The following SEMA6B variants were observed in gnomAD, a reference collection of about 807,000 sequenced individuals.
SEMA6B encodes the protein semaphorin 6B, also known as semaphorin-6B.
Under a neutral mutation model 78.6 loss-of-function variants are expected in SEMA6B, and 47 were observed. The observed-to-expected ratio is 0.60, with a 90% CI of 0.47 to 0.76. The LOEUF (loss-of-function observed/expected upper bound fraction) is 0.76. Ranked by LOEUF, SEMA6B falls within the 30% of genes least tolerant of loss-of-function variation. The pLI is 0.00. For synonymous variants in SEMA6B, 632 were observed against 592.2 expected, an observed-to-expected ratio of 1.07 and a Z score of -0.98; for missense variants, 1,213 against 1,269.9, an observed-to-expected ratio of 0.96 and a Z score of 0.68.
chr19:4,558,273 C>G lies in SEMA6B; in HGVS notation c.121+64G>C, dbSNP rs1977526315. ...GAGTCCCCCAGTGGGGGCAGCAGAC[C>G]CAACTGGGAACCCAGATACTCCCAC... is the stretch of plus-strand genomic sequence containing the variant. On this transcript the variant is annotated intron_variant, in intron 2 of 16. Transcript: ENST00000586582. The surrounding 1 kb of genome is among the most constrained non-coding windows in gnomAD (Gnocchi z 5.1). 1 of 1,306,580 alleles carries G rather than the reference C, an allele frequency of 7.7e-7. No homozygotes were observed. Among genetic ancestry groups the G allele is most frequent in the African/African-American group, 1.5e-5 (1 of 65,882 alleles). The allele number at this position is 1,306,580 out of a possible 1,614,324, so 80.9% of individuals were successfully genotyped here. A position where few individuals can be genotyped will look rare whatever the true frequency, so the allele number is the denominator to read the frequency against.
At position 4,557,288 on chromosome 19, in the gene SEMA6B, C is replaced by T. The variant is rs186305522; in HGVS notation, c.246-65G>A. The T allele has an allele frequency of 7.4e-6, 9 of 1,212,440 alleles. No individual in the cohort carries two copies. The Admixed American group carries it at 1.3e-4, about 18-fold the overall frequency. 75.1% of individuals were successfully genotyped at this position (1,212,440 alleles called of 1,614,324 possible). A position where few individuals can be genotyped will look rare whatever the true frequency, so the allele number is the denominator to read the frequency against. Reference sequence around the variant, plus strand: ...CCACCCTCTCCCGTTCCATCCTTCCCACTGCCAATGTGGTGTGCACACGGG... The same window carrying T: ...CCACCCTCTCCCGTTCCATCCTTCCTACTGCCAATGTGGTGTGCACACGGG... On this transcript the variant is annotated intron_variant, in intron 3 of 16. Coordinates refer to ENST00000586582, the MANE Select transcript of SEMA6B (RefSeq NM_032108.4).
Position 4,550,149 on chromosome 19 carries a change from C to A in SEMA6B, c.1245G>T (p.Ala415=), listed in dbSNP as rs144907430. 2.5e-6 allele frequency: 4 copies of A among 1,613,808 alleles called. No homozygotes were observed. The highest frequency in any genetic ancestry group is 3.4e-6 in the Non-Finnish European group (4 of 1,180,000). Residue 415 remains alanine (A), a synonymous_variant, in exon 12 of 17, where the codon GCG becomes GCT. Transcript: ENST00000586582. This position sits in a 1 kb window ranked among gnomAD's most constrained non-coding sequence, Gnocchi z 6.6. ...MDEAVPSLGH[A]PWILRTLMRH... ...TCATCAGGGTCCGCAGGATCCAGGGCGCATGGCCCAGCGAGGGCACCGCCT... is the reference window on the plus strand; with the variant it reads ...TCATCAGGGTCCGCAGGATCCAGGGAGCATGGCCCAGCGAGGGCACCGCCT...
rs1291781901 is a variant in SEMA6B at position 4,558,103 on chromosome 19, C to T, written c.168G>A (p.Leu56=). The change falls in exon 3 of 17, where the codon CTG becomes CTA. Residue 56 remains leucine (L), a synonymous_variant. Coordinates refer to ENST00000586582, the MANE Select transcript of SEMA6B (RefSeq NM_032108.4). The surrounding 1 kb of genome is among the most constrained non-coding windows in gnomAD (Gnocchi z 5.1). ...PVFVGSGPGR[L]TPAEGADDLN... ...GGTCGTCAGCACCTTCTGCGGGGGTCAGGCGTCCGGGCCCGCTGCCCACAA... is the reference window on the plus strand; with the variant it reads ...GGTCGTCAGCACCTTCTGCGGGGGTTAGGCGTCCGGGCCCGCTGCCCACAA... The T allele has an allele frequency of 1.3e-6, 2 of 1,536,716 alleles. No homozygotes were observed. The highest frequency in any genetic ancestry group is 1.7e-4 in the Middle Eastern group (1 of 5,794).
intron 10 of SEMA6B, among the ~76,000 whole-genome samples, chr19:4,551,699 C>G (rs542037500): frequency 1.3e-5 from 2 of 151,748 alleles, no homozygotes; most frequent in African/African-American, 4.8e-5. Context: ...TGTGGTGGCG[C>G]ACGCCTGTAA....
In SEMA6B at chr19:4,558,012, G is replaced by C. The variant is rs369451263; in HGVS notation, c.245+14C>G. ...TGCTCGTCACACAGGCCTCCTTGCT[G>C]TCCCCAGCAATACCTGTCCCCAATG... On this transcript the variant is annotated intron_variant, in intron 3 of 16. Transcript: ENST00000586582. This position sits in a 1 kb window ranked among gnomAD's most constrained non-coding sequence, Gnocchi z 5.1. The C allele has an allele frequency of 2.2e-6, 3 of 1,393,098 alleles. No homozygotes were observed. In the African/African-American group the frequency reaches 4.4e-5, roughly 21 times the overall value. The allele number at this position is 1,393,098 out of a possible 1,614,324, so 86.3% of individuals were successfully genotyped here. A position where few individuals can be genotyped will look rare whatever the true frequency, so the allele number is the denominator to read the frequency against.
chr19:4,553,318 GTGGATGGATGGA>G (rs139153802), intron 9 of SEMA6B, among the ~76,000 whole-genome samples: 1 of 150,384 alleles, frequency 6.6e-6, no homozygotes, highest in African/African-American at 2.5e-5. Context: ...GGATAAGTGG[GTGGATGGATGGA>G]TGGATGGATG....
intron 8 of SEMA6B, 103 bp downstream of exon 8, chr19:4,554,873 C>A: frequency 7.4e-7 from 1 of 1,352,282 alleles, no homozygotes; most frequent in South Asian, 1.4e-5. Context: ...GTGGAAATCT[C>A]TCCACCAAGC....
intron 14 of SEMA6B, among the ~76,000 whole-genome samples, 196 bp from the exon 15 acceptor site, chr19:4,546,665 C>T (rs1977177402): frequency 6.6e-6 from 1 of 152,126 alleles, no homozygotes; most frequent in African/African-American, 2.4e-5. Context: ...GCTCTTGTCG[C>T]CCAGGCTGGA....
Position 4,543,988 on chromosome 19 carries a change from C to T in SEMA6B, c.2280G>A (p.Glu760=). The T allele has an allele frequency of 1.7e-6, 2 of 1,205,270 alleles. No homozygotes were observed. Among genetic ancestry groups the T allele is most frequent in the Non-Finnish European group, 1.0e-6 (1 of 971,452 alleles). The allele number at this position is 1,205,270 out of a possible 1,614,324, so 74.7% of individuals were successfully genotyped here. The change falls in exon 17 of 17, where the codon GAG becomes GAA. Residue 760 remains glutamate (E), a synonymous_variant. Coordinates refer to ENST00000586582, the MANE Select transcript of SEMA6B (RefSeq NM_032108.4). ...LLLLAPARAP[E]QPPAPGEPTP... ...TCGGCTCCCCAGGCGCGGGGGGCTG[C>T]TCGGGGGCCCGGGCGGGCGCCAGCA...
intron 3 of SEMA6B, among the ~76,000 whole-genome samples, 181 bp from the exon 4 acceptor site, chr19:4,557,404 C>T (rs1977502828): frequency 6.6e-6 from 1 of 152,182 alleles, no homozygotes; most frequent in Non-Finnish European, 1.5e-5. Context: ...TCATATCCTG[C>T]ACTCCACCTC....
intron 9 of SEMA6B, 82 bp downstream of exon 9, chr19:4,554,306 A>G (rs1977412574): frequency 1.8e-6 from 2 of 1,112,416 alleles, no homozygotes; most frequent in Non-Finnish European, 2.7e-6. Context: ...CACCCCATGC[A>G]GGGATTCATG....
In SEMA6B at chr19:4,552,811, C is replaced by T. The variant is rs1291393984; in HGVS notation, c.772-172G>A. On this transcript the variant is annotated intron_variant, in intron 9 of 16. Transcript: ENST00000586582. The surrounding 1 kb of genome is among the most constrained non-coding windows in gnomAD (Gnocchi z 7.4). ...GGCACCGGCTTCCCTGGCAGAAATT[C>T]CCGGTGGGAATGTCAATGATGATAA... is the stretch of plus-strand genomic sequence containing the variant. Among the ~76,000 whole-genome samples the T allele has an allele frequency of 3.3e-5, 5 of 152,232 alleles. No individual in the cohort carries two copies. The highest frequency in any genetic ancestry group is 7.3e-5 in the Non-Finnish European group (5 of 68,048).
Position 4,543,192 on chromosome 19 carries a change from G to A in SEMA6B, c.*409C>T, listed in dbSNP as rs1599770780. Reference sequence around the variant, plus strand: ...TGGGGAGGGACCTTTCCAGGGGTGGGGGAGGGCTTAGGTCTGCAGCTGTGG... The same window carrying A: ...TGGGGAGGGACCTTTCCAGGGGTGGAGGAGGGCTTAGGTCTGCAGCTGTGG... On this transcript the variant is annotated 3_prime_UTR_variant, in exon 17 of 17. Transcript: ENST00000586582. 3 of 589,440 alleles carry A rather than the reference G, an allele frequency of 5.1e-6. No homozygotes were observed. In the East Asian group the frequency reaches 8.4e-5, roughly 17 times the overall value. The allele number at this position is 589,440 out of a possible 1,614,324, so 36.5% of individuals were successfully genotyped here. A position where few individuals can be genotyped will look rare whatever the true frequency, so the allele number is the denominator to read the frequency against.
At chr19:4,551,982 C>T (rs1297467607) in intron 10 of SEMA6B, among the ~76,000 whole-genome samples, 1 of 152,206 alleles carries the variant, frequency 6.6e-6, no homozygotes, top group African/African-American at 2.4e-5. Flanking sequence ...CCTGATCCAT[C>T]CTACCAGTTC....
Position 4,548,360 on chromosome 19 carries a change from T to A in SEMA6B, c.1357A>T (p.Thr453Ser). 1 of 1,613,404 alleles carries A rather than the reference T, an allele frequency of 6.2e-7. No homozygotes were observed. The highest frequency in any genetic ancestry group is 8.5e-7 in the Non-Finnish European group (1 of 1,179,928). Residue 453 changes from threonine (T) to serine (S), a missense_variant, in exon 13 of 17, where the codon ACG becomes TCG. Physicochemically the swap from Thr to Ser is moderately conservative, Grantham distance 58. Transcript: ENST00000586582. Reference sequence around the variant, plus strand: ...GGCCGGACGAGGAACTTGAGGACCGTCCCCGCCTCAGAACCCAGGAAGACA... The same window carrying A: ...GGCCGGACGAGGAACTTGAGGACCGACCCCGCCTCAGAACCCAGGAAGACA... ...TVVFLGSEAG[T>S]VLKFLVRPNA...
rs756420377 is a variant in SEMA6B, at chr19:4,548,404, G to A, written c.1313C>T (p.Pro438Leu). 1.2e-6 allele frequency: 2 copies of A among 1,613,482 alleles called. No individual in the cohort carries two copies. The highest frequency in any genetic ancestry group is 3.3e-5 in the Admixed American group (2 of 60,024). ...GAAGACAACGGTCTGGTTGCCCCAG[G>A]GGCCGGCTCCCACGTCCACAGCCAC... ...TRVAVDVGAGPWGNQTVVFLG... is the reference protein window; with the variant it reads ...TRVAVDVGAGLWGNQTVVFLG... Residue 438 changes from proline (P) to leucine (L), a missense_variant, in exon 13 of 17, where the codon CCC becomes CTC. Transcript: ENST00000586582.
chr19:4,542,646 A>T lies in SEMA6B; in HGVS notation c.*955T>A. ...GAGGGGGCTGGGGGAGGCAAACTCC[A>T]GAGAGGGCAGAGGACCCAGCCAGCC... On this transcript the variant is annotated 3_prime_UTR_variant, in exon 17 of 17. Transcript: ENST00000586582. The T allele has an allele frequency of 1.8e-6, 1 of 568,560 alleles. No individual in the cohort carries two copies. 35.2% of individuals were successfully genotyped at this position (568,560 alleles called of 1,614,324 possible). A position where few individuals can be genotyped will look rare whatever the true frequency, so the allele number is the denominator to read the frequency against.
At position 4,543,805 on chromosome 19, in the gene SEMA6B, C is replaced by G; in HGVS notation, c.2463G>C (p.Trp821Cys). The G allele has an allele frequency of 8.2e-7, 1 of 1,218,798 alleles. No individual in the cohort carries two copies. 75.5% of individuals were successfully genotyped at this position (1,218,798 alleles called of 1,614,324 possible). A position where few individuals can be genotyped will look rare whatever the true frequency, so the allele number is the denominator to read the frequency against. Reference sequence around the variant, plus strand: ...TCAGGCTGCCCGTCGGGGGCGGGCTCCAGGGCCGCGGGAGGCCATCGGCGG... The same window carrying G: ...TCAGGCTGCCCGTCGGGGGCGGGCTGCAGGGCCGCGGGAGGCCATCGGCGG... The part of the protein sequence containing the change: ...ASAADGLPRP[W>C]SPPPTGSLRR... The change falls in exon 17 of 17, where the codon TGG becomes TGC. Residue 821 changes from tryptophan to cysteine, a missense_variant. Coordinates refer to ENST00000586582, the MANE Select transcript of SEMA6B (RefSeq NM_032108.4).
rs1205456372 is a variant in SEMA6B, at chr19:4,543,600, C to T, written c.*1G>A. 8.1e-7 allele frequency: 1 copy of T among 1,228,644 alleles called. No homozygotes were observed. 76.1% of individuals were successfully genotyped at this position (1,228,644 alleles called of 1,614,324 possible). ...TGCCAAGGCATCGGGGGGCCCCCGG[C>T]CTAGGGCACGGGGGGCGCAGTCCTG... is the stretch of plus-strand genomic sequence containing the variant. On this transcript the variant is annotated 3_prime_UTR_variant, in exon 17 of 17. Coordinates refer to ENST00000586582, the MANE Select transcript of SEMA6B (RefSeq NM_032108.4).
Sources: allele counts gnomAD v4.1 joint callset (sites outside exome capture counted in the v4.1 genomes callset), GRCh38; gene constraint gnomAD v4.1.1; non-coding constraint Gnocchi (gnomAD v3.1); transcripts MANE v1.5; gene names NCBI Gene and HGNC (gene_info 2026-07-23, HGNC 2026-07-21).